Variants in TMEM117 observed in about 807,000 individuals in gnomAD.
TMEM117 encodes transmembrane protein 117.
Under a neutral mutation model 52.4 loss-of-function variants are expected in TMEM117, and 27 were observed. The ratio of observed to expected loss-of-function variants is 0.51; its 90% confidence interval spans 0.38 to 0.71. The LOEUF is 0.71. Ranked by LOEUF, TMEM117 falls within the 30% of genes least tolerant of loss-of-function variation. The pLI, the probability that TMEM117 is intolerant of heterozygous loss-of-function variation, is 0.00. For synonymous variants in TMEM117, 215 were observed against 206.3 expected, an observed-to-expected ratio of 1.04 and a Z score of -0.36; for missense variants, 556 against 630.5, an observed-to-expected ratio of 0.88 and a Z score of 1.26.
At chr12:44,310,728 T>C (rs1344060509) in intron 6 of TMEM117, among the ~76,000 whole-genome samples, 1 of 152,166 alleles carries the variant, frequency 6.6e-6, no homozygotes, top group Non-Finnish European at 1.5e-5. Context: ...GTTTAGTAAG[T>C]GGGTAATGGT....
the TMEM117 span, among the ~76,000 whole-genome samples, chr12:43,809,282 ATTAT>A: frequency 6.6e-6 from 1 of 152,206 alleles, no homozygotes; most frequent in Non-Finnish European, 1.5e-5. Context: ...TGGTGAGGTA[ATTAT>A]AAAGAGCTGC....
At chr12:44,333,700 T>C (rs1221209443) in intron 6 of TMEM117, among the ~76,000 whole-genome samples, 2 of 152,034 alleles carry the variant, frequency 1.3e-5, no homozygotes, top group Non-Finnish European at 2.9e-5. Context: ...CCTGTTTCTT[T>C]TATGAATTAC....
chr12:44,137,995 T>C (rs11611103), intron 3 of TMEM117, among the ~76,000 whole-genome samples: 4,566 of 152,256 alleles, frequency 0.03, 106 homozygotes, highest in Admixed American at 0.044. Context: ...GCATACTTTA[T>C]ATCATGTGTT....
chr12:43,896,710 A>G (rs1159395105), intron 2 of TMEM117, among the ~76,000 whole-genome samples: 3 of 151,964 alleles, frequency 2.0e-5, no homozygotes, highest in Admixed American at 6.6e-5. Context: ...TTTGTTGGCC[A>G]TGGTTATAGC....
intron 3 of TMEM117, among the ~76,000 whole-genome samples, chr12:44,091,032 T>C (rs891613030): frequency 2.0e-5 from 3 of 152,116 alleles, no homozygotes; most frequent in Non-Finnish European, 4.4e-5. Flanking sequence ...TAGTCCGTTT[T>C]CATGCTGCTG....
chr12:44,097,754 T>G (rs1017023125), intron 3 of TMEM117, among the ~76,000 whole-genome samples: 1 of 115,498 alleles, frequency 8.7e-6, no homozygotes, highest in South Asian at 2.4e-4. Flanking sequence ...TTAGGAGATA[T>G]ACCTAAATGA....
intron 3 of TMEM117, among the ~76,000 whole-genome samples, chr12:44,085,454 TG>T (rs1324324698): frequency 6.6e-6 from 1 of 152,220 alleles, no homozygotes; most frequent in African/African-American, 2.4e-5. Flanking sequence ...CTAGTGGTTC[TG>T]GGGCTCTGGT....
intron 4 of TMEM117, among the ~76,000 whole-genome samples, chr12:44,207,051 A>G (rs17094226): frequency 0.1 from 15,794 of 152,242 alleles, 927 homozygotes; most frequent in Middle Eastern, 0.2. Flanking sequence ...CTAATATTGA[A>G]TGAAGTCAGT....
Position 44,388,379 on chromosome 12 carries a change from T to C in TMEM117, c.1252T>C (p.Leu418=), listed in dbSNP as rs779062494. 1 of 1,613,538 alleles carries C rather than the reference T, an allele frequency of 6.2e-7. No individual in the cohort carries two copies. Among genetic ancestry groups the C allele is most frequent in the Non-Finnish European group, 8.5e-7 (1 of 1,179,686 alleles). Residue 418 remains leucine (L), a synonymous_variant, in exon 8 of 8, where the codon TTG becomes CTG. Coordinates refer to ENST00000266534, the MANE Select transcript of TMEM117 (RefSeq NM_032256.3). ...CTTTATTTGGTTCTTTGGACGATTT[T>C]TGAAAAATGAGCCACGCATGGAGAA... ...GFFIWFFGRF[L]KNEPRMENQD...
chr12:44,085,311 T>G (rs189469712), intron 3 of TMEM117, among the ~76,000 whole-genome samples: 1 of 152,306 alleles, frequency 6.6e-6, no homozygotes, highest in African/African-American at 2.4e-5. Context: ...TCAATAAATG[T>G]TTGATTAAAT....
chr12:44,396,832 C>G, the TMEM117 span, among the ~76,000 whole-genome samples: 3 of 127,322 alleles, frequency 2.4e-5, no homozygotes, highest in African/African-American at 9.0e-5. Context: ...CCAGCCTGGG[C>G]AACAGAGTGA....
chr12:43,804,917 CCTG>C, the TMEM117 span, among the ~76,000 whole-genome samples: 1 of 152,120 alleles, frequency 6.6e-6, no homozygotes, highest in Non-Finnish European at 1.5e-5. Context: ...ATATTGAAAA[CCTG>C]CTTTCATTCT....
intron 3 of TMEM117, among the ~76,000 whole-genome samples, chr12:44,063,688 A>G (rs376815029): frequency 1.4e-5 from 2 of 147,208 alleles, no homozygotes; most frequent in South Asian, 2.1e-4. Flanking sequence ...TAATTGTTCA[A>G]TTCCCACCTA....
intron 3 of TMEM117, among the ~76,000 whole-genome samples, chr12:44,091,493 G>A (rs1947670934): frequency 6.6e-6 from 1 of 152,168 alleles, no homozygotes; most frequent in Non-Finnish European, 1.5e-5. Context: ...AAAATAGAGT[G>A]CACAGTGTAA....
chr12:44,139,535 A>G (rs1244191251), intron 3 of TMEM117, among the ~76,000 whole-genome samples: 3 of 152,054 alleles, frequency 2.0e-5, no homozygotes, highest in East Asian at 3.9e-4. Flanking sequence ...TCTCGAGGAA[A>G]AAATAATTGA....
intron 2 of TMEM117, among the ~76,000 whole-genome samples, chr12:43,902,789 A>G (rs1944325997): frequency 1.3e-5 from 2 of 152,220 alleles, no homozygotes; most frequent in Admixed American, 6.5e-5. Flanking sequence ...ATCAAGTAAA[A>G]ATAGTTACTT....
Position 43,922,200 on chromosome 12 carries a change from C to G in TMEM117, c.278-22010C>G, listed in dbSNP as rs1340172279. ...TCTCTGCTTCTCTCTGTCTCTGTCT[C>G]TCTCTCTCTTTCTTGGTATTAGAAG... On this transcript the variant is annotated intron_variant, in intron 2 of 7. Transcript: ENST00000266534. Among the ~76,000 whole-genome samples the G allele has an allele frequency of 2.0e-5, 3 of 151,824 alleles. No homozygotes were observed. The East Asian group carries it at 5.8e-4, about 29-fold the overall frequency.
chr12:43,977,005 C>A (rs985783665), intron 3 of TMEM117, among the ~76,000 whole-genome samples: 15 of 152,176 alleles, frequency 9.9e-5, no homozygotes, highest in African/African-American at 3.6e-4. Context: ...ATGTTAACCC[C>A]TTTCAGCTAA....
chr12:44,052,706 A>G (rs1946993351), intron 3 of TMEM117, among the ~76,000 whole-genome samples: 1 of 152,176 alleles, frequency 6.6e-6, no homozygotes, highest in Non-Finnish European at 1.5e-5. Flanking sequence ...CGTCTGACCC[A>G]GGGGAAATAG....
Sources: gnomAD v4.1 joint callset for allele counts (sites outside exome capture counted in the v4.1 genomes callset) on GRCh38, gnomAD v4.1.1 for gene constraint, MANE v1.5 for transcripts, NCBI Gene and HGNC (gene_info 2026-07-23, HGNC 2026-07-21) for gene names.